CSMD1: variants seen among roughly 807,000 people sequenced by gnomAD.
CSMD1 encodes CUB and sushi domain-containing protein 1.
In CSMD1, 213 loss-of-function variants were observed where a neutral mutation model predicts 417.5. The observed-to-expected ratio is 0.51, with a 90% CI of 0.46 to 0.57. The LOEUF (loss-of-function observed/expected upper bound fraction) is 0.57, where lower values mean the gene tolerates loss of function less well. Among genes scored for constraint, CSMD1 ranks in the 20% least tolerant of loss-of-function variants. CSMD1 has a pLI of 0.00. For synonymous variants in CSMD1, 2,862 were observed against 1,736.8 expected (o/e 1.65, Z -16.11); for missense variants, 6,923 against 4,529.7 (o/e 1.53, Z -15.17).
chr8:3,722,859 G>C (rs967406234), intron 6 of CSMD1, among the ~76,000 whole-genome samples: 1 of 152,172 alleles, frequency 6.6e-6, no homozygotes, highest in African/African-American at 2.4e-5. Context: ...TTTCAGGGAT[G>C]AACTAGCTGC....
At chr8:4,497,562 A>G (rs947156602) in intron 2 of CSMD1, among the ~76,000 whole-genome samples, 3 of 152,194 alleles carry the variant, frequency 2.0e-5, no homozygotes, top group African/African-American at 4.8e-5. Context: ...GGGAGGAAAG[A>G]CGGATGAGTG....
intron 3 of CSMD1, among the ~76,000 whole-genome samples, chr8:4,250,200 C>T (rs1262633699): frequency 6.6e-6 from 1 of 152,172 alleles, no homozygotes. Context: ...TACAAAGTAC[C>T]TGGTCTGTAG....
chr8:4,810,239 A>C (rs1798817388), intron 1 of CSMD1, among the ~76,000 whole-genome samples: 1 of 152,142 alleles, frequency 6.6e-6, no homozygotes, highest in Non-Finnish European at 1.5e-5. Context: ...ATGGATGCAG[A>C]TTTTTCATTT....
At chr8:3,980,495 G>T (rs76350332) in intron 5 of CSMD1, among the ~76,000 whole-genome samples, 1 of 151,936 alleles carries the variant, frequency 6.6e-6, no homozygotes, top group Non-Finnish European at 1.5e-5. Context: ...AATTCACTCT[G>T]CTCGTCTCTG....
intron 3 of CSMD1, among the ~76,000 whole-genome samples, chr8:4,087,543 C>T (rs1386431085): frequency 1.3e-5 from 2 of 152,140 alleles, no homozygotes; most frequent in Non-Finnish European, 2.9e-5. Context: ...GCGAGGCTTT[C>T]CCTGGCTATA....
At chr8:4,855,274 C>T (rs1436946595) in intron 1 of CSMD1, among the ~76,000 whole-genome samples, 2 of 151,654 alleles carry the variant, frequency 1.3e-5, no homozygotes, top group Non-Finnish European at 2.9e-5. Flanking sequence ...ACATAACCAT[C>T]ATCAAAGACC....
intron 5 of CSMD1, among the ~76,000 whole-genome samples, chr8:3,916,676 G>A (rs1409608775): frequency 1.3e-5 from 2 of 152,262 alleles, no homozygotes; most frequent in East Asian, 3.9e-4. Context: ...ATCACCTGAT[G>A]TAATCTGTGT....
intron 3 of CSMD1, among the ~76,000 whole-genome samples, chr8:4,334,821 G>A (rs1450115029): frequency 6.6e-6 from 1 of 151,150 alleles, no homozygotes; most frequent in Admixed American, 6.6e-5. Context: ...TATATTCGGA[G>A]GTTTTTAAAG....
At chr8:3,153,052 G>C (rs1425838644) in intron 39 of CSMD1, among the ~76,000 whole-genome samples, 1 of 152,160 alleles carries the variant, frequency 6.6e-6, no homozygotes, top group East Asian at 1.9e-4. Context: ...GGCTTTCTAA[G>C]TCACAGGATG....
intron 7 of CSMD1, among the ~76,000 whole-genome samples, chr8:3,630,085 ACT>A: frequency 6.6e-6 from 1 of 152,378 alleles, no homozygotes; most frequent in South Asian, 2.1e-4. Context: ...TGGAAATAAC[ACT>A]TTAAAAGAGA....
chr8:4,031,522 A>T (rs1298015098), intron 4 of CSMD1, among the ~76,000 whole-genome samples: 1 of 152,146 alleles, frequency 6.6e-6, no homozygotes, highest in Non-Finnish European at 1.5e-5. Context: ...CTCCCACAAC[A>T]TGTGGGAATT....
At chr8:3,212,425 T>G (rs1266063455) in intron 30 of CSMD1, among the ~76,000 whole-genome samples, 1 of 152,142 alleles carries the variant, frequency 6.6e-6, no homozygotes, top group Admixed American at 6.5e-5. Context: ...CTCGGCTCAC[T>G]GAAACCTTCA....
At chr8:3,008,993 T>A (rs1279557563) in intron 52 of CSMD1, among the ~76,000 whole-genome samples, 4 of 152,214 alleles carry the variant, frequency 2.6e-5, no homozygotes, top group Admixed American at 2.0e-4. Flanking sequence ...TTCCCTGATT[T>A]GGAAATGTAA....
At chr8:3,779,460 G>C (rs1431118349) in intron 5 of CSMD1, among the ~76,000 whole-genome samples, 4 of 152,086 alleles carry the variant, frequency 2.6e-5, no homozygotes, top group Non-Finnish European at 4.4e-5. Flanking sequence ...TAAAATTTTA[G>C]ACATCTTAAA....
chr8:4,522,645 G>C (rs907549650), intron 2 of CSMD1, among the ~76,000 whole-genome samples: 1 of 152,080 alleles, frequency 6.6e-6, no homozygotes, highest in African/African-American at 2.4e-5. Flanking sequence ...CTATAGGTTC[G>C]GATTTTCTTC....
chr8:4,593,581 T>A (rs1181856756), intron 2 of CSMD1, among the ~76,000 whole-genome samples: 5 of 152,126 alleles, frequency 3.3e-5, no homozygotes, highest in Non-Finnish European at 5.9e-5. Context: ...CACTTCATAA[T>A]GAAAGTAGAA....
At chr8:3,550,486 G>C (rs572850107) in intron 10 of CSMD1, among the ~76,000 whole-genome samples, 1 of 152,084 alleles carries the variant, frequency 6.6e-6, no homozygotes, top group South Asian at 2.1e-4. Context: ...CATATCGATG[G>C]GGTGCACAGT....
rs1441291482 is a variant in CSMD1 at position 3,189,976 on chromosome 8, C to A, written c.5334G>T (p.Ala1778=). The change falls in exon 34 of 70, where the codon GCG becomes GCT. Residue 1778 remains alanine (A), a synonymous_variant. Transcript: ENST00000635120. ...CGTTGGGCACGGACTGGCAGTGGAG[C>A]GCCGTGGAACCCTGAAGCAGGTATC... ...NPGYLLQGST[A]LHCQSVPNAL... is the part of the protein sequence containing the mutation. The A allele has an allele frequency of 1.3e-6, 2 of 1,598,090 alleles. No homozygotes were observed. The highest frequency in any genetic ancestry group is 1.7e-4 in the Middle Eastern group (1 of 6,038).
At chr8:3,238,070 C>T (rs895376589) in intron 26 of CSMD1, among the ~76,000 whole-genome samples, 3 of 151,714 alleles carry the variant, frequency 2.0e-5, no homozygotes, top group Non-Finnish European at 2.9e-5. Context: ...TGGGTGCAGA[C>T]GGGCTGAGTC....
Sources: gnomAD v4.1 joint callset for allele counts (sites outside exome capture counted in the v4.1 genomes callset) on GRCh38, gnomAD v4.1.1 for gene constraint, MANE v1.5 for transcripts, NCBI Gene and HGNC (gene_info 2026-07-23, HGNC 2026-07-21) for gene names.